The following ZFHX3 variants were observed in gnomAD, a reference collection of about 807,000 sequenced individuals.
ZFHX3 encodes zinc finger homeobox protein 3.
ZFHX3 carries 42 observed loss-of-function variants against 279.1 expected under a neutral mutation model. The ratio of observed to expected loss-of-function variants is 0.15; its 90% confidence interval spans 0.12 to 0.19. The LOEUF (loss-of-function observed/expected upper bound fraction) is 0.19, where lower values mean the gene tolerates loss of function less well. ZFHX3 is among the 10% of genes least tolerant of loss of function. The probability of loss-of-function intolerance (pLI) is 1.00; values close to 1 mark genes in which losing one functional copy is unlikely to be tolerated. For synonymous variants in ZFHX3, 2,293 were observed against 1,957.8 expected, an observed-to-expected ratio of 1.17 and a Z score of -4.52; for missense variants, 4,981 against 4,754.0, an observed-to-expected ratio of 1.05 and a Z score of -1.40.
intron 5 of ZFHX3, among the ~76,000 whole-genome samples, chr16:73,248,325 G>T (rs1209536604): frequency 1.3e-5 from 2 of 151,792 alleles, no homozygotes; most frequent in Non-Finnish European, 1.5e-5. Flanking sequence ...ATAAGGGCCT[G>T]TATGTGGAGA....
chr16:73,305,252 C>T (rs1330171884), intron 4 of ZFHX3, among the ~76,000 whole-genome samples: 2 of 151,898 alleles, frequency 1.3e-5, no homozygotes, highest in African/African-American at 2.4e-5. Context: ...ACCAGGGGAG[C>T]CTGGAGGAAG....
intron 1 of ZFHX3, among the ~76,000 whole-genome samples, chr16:73,041,054 T>C (rs2144701439): frequency 6.6e-6 from 1 of 152,340 alleles, no homozygotes; most frequent in Admixed American, 6.5e-5. Flanking sequence ...TCACCTTTGC[T>C]TCTCCCATTC....
chr16:73,476,386 A>T (rs1272961975), intron 2 of ZFHX3, among the ~76,000 whole-genome samples: 1 of 152,180 alleles, frequency 6.6e-6, no homozygotes, highest in Admixed American at 6.5e-5. Context: ...GTGTAGGTTG[A>T]TTTACAAAGA....
chr16:73,559,244 C>T (rs2020334059), intron 2 of ZFHX3, among the ~76,000 whole-genome samples: 1 of 152,052 alleles, frequency 6.6e-6, no homozygotes, highest in African/African-American at 2.4e-5. Context: ...GGCAGGGCCT[C>T]ACTATGTTTC....
chr16:73,699,365 A>T (rs2053226697), intron 1 of ZFHX3, among the ~76,000 whole-genome samples: 1 of 152,206 alleles, frequency 6.6e-6, no homozygotes, highest in Non-Finnish European at 1.5e-5. Context: ...ACAGATGAAC[A>T]TATTTCCCAA....
intron 3 of ZFHX3, among the ~76,000 whole-genome samples, chr16:72,898,132 T>C (rs1383494067): frequency 6.6e-6 from 1 of 152,198 alleles, no homozygotes; most frequent in Non-Finnish European, 1.5e-5. Flanking sequence ...AACCTAAATA[T>C]ATATGTATAT....
chr16:73,581,659 C>CTTTTTTTT (rs11286052), intron 2 of ZFHX3, among the ~76,000 whole-genome samples: 9 of 73,428 alleles, frequency 1.2e-4, no homozygotes, highest in East Asian at 3.3e-4. Flanking sequence ...TCGAATGTCT[C>CTTTTTTTT]TTTTTTTTTT....
At chr16:73,183,219 A>G (rs1268211028) in intron 5 of ZFHX3, among the ~76,000 whole-genome samples, 1 of 152,184 alleles carries the variant, frequency 6.6e-6, no homozygotes, top group South Asian at 2.1e-4. Context: ...AAAACAAAAA[A>G]AATTACCTCT....
chr16:72,812,369 G>A (rs1220018193), intron 5 of ZFHX3, among the ~76,000 whole-genome samples: 1 of 152,146 alleles, frequency 6.6e-6, no homozygotes, highest in Non-Finnish European at 1.5e-5. Flanking sequence ...CTGGCTTGTG[G>A]GGGGCAGTAG....
Position 72,794,895 on chromosome 16 carries a change from A to T in ZFHX3, c.7787T>A (p.Ile2596Asn). ...SQLLSGAIPQ[I>N]PASSATSPST... ...AGGAGAAGTGGCTGAGCTTGCTGGA[A>T]TCTGAGGTATGGCCCCAGAGAGCAG... is the stretch of plus-strand genomic sequence containing the variant. Residue 2596 changes from isoleucine (I) to asparagine (N), a missense_variant, in exon 9 of 10, where the codon ATT becomes AAT. Physicochemically the swap from Ile to Asn is moderately radical, Grantham distance 149 (BLOSUM62 -3). Coordinates refer to ENST00000268489, the MANE Select transcript of ZFHX3 (RefSeq NM_006885.4). The surrounding 1 kb of genome is among the most constrained non-coding windows in gnomAD (Gnocchi z 4.2). 1 of 1,614,034 alleles carries T rather than the reference A, an allele frequency of 6.2e-7. No individual in the cohort carries two copies. Among genetic ancestry groups the T allele is most frequent in the Non-Finnish European group, 8.5e-7 (1 of 1,180,020 alleles).
At chr16:73,809,847 CA>C (rs1960380497) in intron 1 of ZFHX3, 1 of 152,270 alleles carries the variant, frequency 6.6e-6, no homozygotes, top group African/African-American at 2.4e-5. Flanking sequence ...ATGAGACCAT[CA>C]AAAGTCTACT....
intron 2 of ZFHX3, among the ~76,000 whole-genome samples, chr16:73,628,959 G>C (rs923991425): frequency 6.6e-6 from 1 of 152,122 alleles, no homozygotes; most frequent in African/African-American, 2.4e-5. Context: ...GAAAGAAGGG[G>C]TGTGTGGCTG....
chr16:73,327,153 A>G (rs2015706525), intron 3 of ZFHX3, among the ~76,000 whole-genome samples: 1 of 152,340 alleles, frequency 6.6e-6, no homozygotes, highest in Admixed American at 6.5e-5. Flanking sequence ...CTGGGAGAGT[A>G]GTATTCTGAG....
chr16:73,007,384 C>T (rs1963748546), intron 1 of ZFHX3, among the ~76,000 whole-genome samples: 3 of 152,224 alleles, frequency 2.0e-5, no homozygotes. Context: ...TATAGCATCC[C>T]TCTAAGTTTA....
intron 1 of ZFHX3, among the ~76,000 whole-genome samples, chr16:73,696,216 G>T (rs1338802744): frequency 6.6e-6 from 1 of 152,194 alleles, no homozygotes. Context: ...CCTGCAGCCA[G>T]AAACAAACAA....
intron 2 of ZFHX3, among the ~76,000 whole-genome samples, chr16:73,501,286 G>A (rs558805791): frequency 1.1e-3 from 169 of 152,332 alleles, no homozygotes; most frequent in African/African-American, 3.8e-3. Context: ...ATTGATGAAT[G>A]AGGCATTTCT....
intron 2 of ZFHX3, among the ~76,000 whole-genome samples, chr16:73,547,847 G>C (rs57766879): frequency 0.068 from 10,378 of 152,188 alleles, 1,210 homozygotes; most frequent in African/African-American, 0.24. Flanking sequence ...CAAAAGTGCA[G>C]GGAAAATATG....
intron 1 of ZFHX3, among the ~76,000 whole-genome samples, chr16:73,817,575 G>A (rs1398421772): frequency 2.0e-5 from 3 of 152,130 alleles, no homozygotes; most frequent in Non-Finnish European, 4.4e-5. Flanking sequence ...TCATTTACCT[G>A]CTCGGTCTGC....
intron 4 of ZFHX3, among the ~76,000 whole-genome samples, chr16:73,268,320 C>T (rs1411547916): frequency 6.6e-6 from 1 of 152,144 alleles, no homozygotes; most frequent in Non-Finnish European, 1.5e-5. Flanking sequence ...GTGCACTATT[C>T]CCCTCAAACT....
Sources: allele counts gnomAD v4.1 joint callset (sites outside exome capture counted in the v4.1 genomes callset), GRCh38; gene constraint gnomAD v4.1.1; non-coding constraint Gnocchi (gnomAD v3.1); transcripts MANE v1.5; gene names NCBI Gene and HGNC (gene_info 2026-07-23, HGNC 2026-07-21).